Variants in PRKCG observed in about 807,000 individuals in gnomAD.
PRKCG encodes protein kinase C gamma type.
A neutral mutation model predicts 82.0 loss-of-function variants in PRKCG; 28 were observed. The observed-to-expected ratio is 0.34, with a 90% confidence interval of 0.25 to 0.47. The LOEUF is 0.47. Among genes scored for constraint, PRKCG ranks in the 20% least tolerant of loss-of-function variants. The pLI, the probability that PRKCG is intolerant of heterozygous loss-of-function variation, is 1.00. For missense variants in PRKCG, 640 were observed against 952.7 expected (o/e 0.67, Z 4.32); for synonymous variants, 383 against 376.6 (o/e 1.02, Z -0.20).
chr19:53,905,089 A>G (rs2068791904), intron 16 of PRKCG, among the ~76,000 whole-genome samples: 3 of 152,112 alleles, frequency 2.0e-5, no homozygotes, highest in Admixed American at 1.3e-4. Flanking sequence ...GAGTCACCAA[A>G]ACTTTGTGAG....
At chr19:53,882,187 C>T (rs1334456637), upstream of PRKCG, 1 of 402,948 alleles carries the variant, frequency 2.5e-6, no homozygotes, top group Non-Finnish European at 4.5e-6. This position sits in a 1 kb window ranked among gnomAD's most constrained non-coding sequence, Gnocchi z 6.1. Flanking sequence ...TCCCCCAACC[C>T]GGGGCTCCCA....
chr19:53,906,776 C>A lies in PRKCG; in HGVS notation c.1975C>A (p.Arg659Ser), dbSNP rs752933837. 28 of 1,613,526 alleles carry A rather than the reference C, an allele frequency of 1.7e-5. No homozygotes were observed. The highest frequency in any genetic ancestry group is 1.9e-5 in the Non-Finnish European group (23 of 1,180,030). ...RAAPALTPPD[R>S]LVLASIDQAD... ...GGCGCCAGCGCTGACCCCTCCAGACCGCCTAGTCCTGGCCAGCATCGACCA... is the reference window on the plus strand; with the variant it reads ...GGCGCCAGCGCTGACCCCTCCAGACAGCCTAGTCCTGGCCAGCATCGACCA... The change falls in exon 18 of 18, where the codon CGC becomes AGC. Residue 659 changes from arginine (R) to serine (S), a missense_variant. By Grantham distance (110) the Arg-to-Ser change is moderately radical (BLOSUM62 -1). Transcript: ENST00000263431.
rs1195014767 is a variant in PRKCG at position 53,889,281 on chromosome 19, C to T, written c.286-357C>T. Among the ~76,000 whole-genome samples the T allele has an allele frequency of 6.6e-6, 1 of 152,108 alleles. No homozygotes were observed. Among genetic ancestry groups the T allele is most frequent in the African/African-American group, 2.4e-5 (1 of 41,426 alleles). ...GACCACCGTATTTAAAATTTCAATC[C>T]CCCAACTTCTGGTGGTCCCCATCCC... On this transcript the variant is annotated intron_variant, in intron 3 of 17. Transcript: ENST00000263431. The surrounding 1 kb of genome is among the most constrained non-coding windows in gnomAD (Gnocchi z 4.4).
intron 15 of PRKCG, among the ~76,000 whole-genome samples, chr19:53,903,678 G>A (rs1323545425): frequency 6.6e-6 from 1 of 152,154 alleles, no homozygotes; most frequent in Non-Finnish European, 1.5e-5. Flanking sequence ...AAGAACTCAA[G>A]GTTACACTGA....
At chr19:53,903,269 C>A in intron 15 of PRKCG, 116 bp downstream of exon 15, 2 of 835,394 alleles carry the variant, frequency 2.4e-6, no homozygotes, top group South Asian at 2.7e-5. Context: ...TAGCGCTGTC[C>A]ATGGTTCTGA....
Position 53,883,300 on chromosome 19 carries a change from C to T in PRKCG, c.202+106C>T, listed in dbSNP as rs1426935675. On this transcript the variant is annotated intron_variant, in intron 2 of 17. Coordinates refer to ENST00000263431, the MANE Select transcript of PRKCG (RefSeq NM_002739.5). This position sits in a 1 kb window ranked among gnomAD's most constrained non-coding sequence, Gnocchi z 5.4. ...GTGTTCTCTGGTCCCCAGAGAGGCG[C>T]GGGGGAGCCCGGGGCGGGGGGTGTG... 1.5e-5 allele frequency: 20 copies of T among 1,336,930 alleles called. No homozygotes were observed. In the East Asian group the frequency reaches 3.3e-4, roughly 22 times the overall value. 82.8% of individuals were successfully genotyped at this position (1,336,930 alleles called of 1,614,324 possible).
In PRKCG at chr19:53,892,594, G is replaced by A. The variant is rs746283322; in HGVS notation, c.772G>A (p.Ala258Thr). The change falls in exon 7 of 18, where the codon GCC becomes ACC. Residue 258 changes from alanine (A) to threonine (T), a missense_variant. By Grantham distance (58) the Ala-to-Thr change is moderately conservative. Around this residue, in one of 7 missense-constraint regions of PRKCG, gnomAD observed 261 missense variants for 312.1 expected, o/e 0.84. Coordinates refer to ENST00000263431, the MANE Select transcript of PRKCG (RefSeq NM_002739.5). This position sits in a 1 kb window ranked among gnomAD's most constrained non-coding sequence, Gnocchi z 5.9. The stretch of plus-strand genomic sequence containing the variant: ...GACCTCCCGCAACGACTTCATGGGG[G>A]CCATGTCCTTTGGCGTCTCGGAGCT... Reference protein sequence around the residue: ...DRTSRNDFMGAMSFGVSELLK... With the variant: ...DRTSRNDFMGTMSFGVSELLK... 1.2e-6 allele frequency: 2 copies of A among 1,613,518 alleles called. No individual in the cohort carries two copies. The highest frequency in any genetic ancestry group is 1.7e-5 in the Admixed American group (1 of 60,008).
chr19:53,886,657 C>T (rs1266040218), intron 3 of PRKCG, among the ~76,000 whole-genome samples: 4 of 151,992 alleles, frequency 2.6e-5, no homozygotes, highest in Non-Finnish European at 5.9e-5. Context: ...CTCGATTCTC[C>T]TGCCTCAGCC....
In PRKCG at chr19:53,892,739, C is replaced by T; in HGVS notation, c.821+96C>T. ...CTCCAGGCCACTGTCCTTCCCTCTGCCTCCCAGCATGCGCACACACACACA... is the reference window on the plus strand; with the variant it reads ...CTCCAGGCCACTGTCCTTCCCTCTGTCTCCCAGCATGCGCACACACACACA... On this transcript the variant is annotated intron_variant, in intron 7 of 17. Transcript: ENST00000263431. This position sits in a 1 kb window ranked among gnomAD's most constrained non-coding sequence, Gnocchi z 5.9. 1.4e-6 allele frequency: 2 copies of T among 1,447,954 alleles called. No individual in the cohort carries two copies. The highest frequency in any genetic ancestry group is 1.9e-6 in the Non-Finnish European group (2 of 1,073,466). The allele number at this position is 1,447,954 out of a possible 1,614,324, so 89.7% of individuals were successfully genotyped here. A position where few individuals can be genotyped will look rare whatever the true frequency, so the allele number is the denominator to read the frequency against.
At chr19:53,886,499 G>C (rs1163421901) in intron 3 of PRKCG, among the ~76,000 whole-genome samples, 1 of 151,950 alleles carries the variant, frequency 6.6e-6, no homozygotes, top group Admixed American at 6.6e-5. Flanking sequence ...AATTCTCCAG[G>C]CTCAAGTGCT....
intron 16 of PRKCG, 84 bp downstream of exon 16, chr19:53,904,826 C>T: frequency 8.9e-7 from 1 of 1,128,654 alleles, no homozygotes; most frequent in Non-Finnish European, 1.3e-6. Flanking sequence ...AAAAATGCTC[C>T]CATTCCTGAA....
chr19:53,905,797 T>C lies in PRKCG; in HGVS notation c.1765-520T>C, dbSNP rs938987007. Among the ~76,000 whole-genome samples, 148 of 117,638 alleles carry C rather than the reference T, an allele frequency of 1.3e-3. 3 individuals carry two copies. The highest frequency in any genetic ancestry group is 6.6e-4 in the Admixed American group (7 of 10,602). 77.2% of individuals were successfully genotyped at this position (117,638 alleles called of 152,430 possible). A position where few individuals can be genotyped will look rare whatever the true frequency, so the allele number is the denominator to read the frequency against. ...CCCCTTCCCTCTCTCCCCCTACCCC[T>C]TTTCCCTCTCCTCTTCTCCATCTCC... On this transcript the variant is annotated intron_variant, in intron 16 of 17. Transcript: ENST00000263431.
chr19:53,882,521 C>T lies in PRKCG; in HGVS notation c.27C>T (p.Gly9=). The T allele has an allele frequency of 6.2e-7, 1 of 1,614,058 alleles. No homozygotes were observed. The highest frequency in any genetic ancestry group is 8.5e-7 in the Non-Finnish European group (1 of 1,179,962). Residue 9 remains glycine (G), a synonymous_variant, in exon 1 of 18, where the codon GGC becomes GGT. Coordinates refer to ENST00000263431, the MANE Select transcript of PRKCG (RefSeq NM_002739.5). This position sits in a 1 kb window ranked among gnomAD's most constrained non-coding sequence, Gnocchi z 6.1. ...TGGCTGGTCTGGGCCCCGGCGTAGGCGATTCAGAGGGGGGACCCCGGCCCC... is the reference window on the plus strand; with the variant it reads ...TGGCTGGTCTGGGCCCCGGCGTAGGTGATTCAGAGGGGGGACCCCGGCCCC... The part of the protein sequence containing the change: MAGLGPGV[G]DSEGGPRPLF...
Position 53,892,416 on chromosome 19 carries a change from G to T in PRKCG, c.687-93G>T. On this transcript the variant is annotated intron_variant, in intron 6 of 17. Transcript: ENST00000263431. This position sits in a 1 kb window ranked among gnomAD's most constrained non-coding sequence, Gnocchi z 5.9. ...CAAAGCAGGAGAGGAGCCCCAGCTGGCTGGGTTTGCCCCCACCTCCAGCAC... is the reference window on the plus strand; with the variant it reads ...CAAAGCAGGAGAGGAGCCCCAGCTGTCTGGGTTTGCCCCCACCTCCAGCAC... 6.5e-7 allele frequency: 1 copy of T among 1,537,088 alleles called. No individual in the cohort carries two copies. The highest frequency in any genetic ancestry group is 8.7e-7 in the Non-Finnish European group (1 of 1,143,888).
Position 53,900,218 on chromosome 19 carries a change from T to A in PRKCG, c.1282-15T>A. 2 of 1,611,110 alleles carry A rather than the reference T, an allele frequency of 1.2e-6. No individual in the cohort carries two copies. The highest frequency in any genetic ancestry group is 1.7e-6 in the Non-Finnish European group (2 of 1,177,260). The stretch of plus-strand genomic sequence containing the variant: ...TAGATGGATCCCGCCTCTAAGCCCA[T>A]GCACTTCTCCGCAGGACCGCCTGTA... On this transcript the variant is annotated splice_polypyrimidine_tract_variant and intron_variant, in intron 11 of 17. Coordinates refer to ENST00000263431, the MANE Select transcript of PRKCG (RefSeq NM_002739.5). This position sits in a 1 kb window ranked among gnomAD's most constrained non-coding sequence, Gnocchi z 4.2.
intron 16 of PRKCG, among the ~76,000 whole-genome samples, chr19:53,905,555 C>A (rs1449845062): frequency 6.6e-6 from 1 of 151,746 alleles, no homozygotes; most frequent in Admixed American, 6.6e-5. Flanking sequence ...TGTCTCCTCC[C>A]TTCTCTGAGT....
rs1259280905 is a variant in PRKCG, at chr19:53,903,056, C to G, written c.1576-17C>G. 3 of 1,605,270 alleles carry G rather than the reference C, an allele frequency of 1.9e-6. No individual in the cohort carries two copies. Among genetic ancestry groups the G allele is most frequent in the Non-Finnish European group, 2.6e-6 (3 of 1,172,140 alleles). On this transcript the variant is annotated splice_polypyrimidine_tract_variant and intron_variant, in intron 14 of 17. Transcript: ENST00000263431. Reference sequence around the variant, plus strand: ...CTAAAGAACGCATCATGATTCCCTGCCTTCCACCTCCCCTAGATCATTGCC... The same window carrying G: ...CTAAAGAACGCATCATGATTCCCTGGCTTCCACCTCCCCTAGATCATTGCC...
rs1352298707 is a variant in PRKCG, at chr19:53,884,274, C to T, written c.285+31C>T. 6 of 1,603,144 alleles carry T rather than the reference C, an allele frequency of 3.7e-6. No homozygotes were observed. Among genetic ancestry groups the T allele is most frequent in the Non-Finnish European group, 4.3e-6 (5 of 1,170,972 alleles). The stretch of plus-strand genomic sequence containing the variant: ...TGCTCGGACACCTGGTTCTCCTCCT[C>T]GGGCCGTGCCCCCGCCCTCACCCCC... On this transcript the variant is annotated intron_variant, in intron 3 of 17. Transcript: ENST00000263431. This position sits in a 1 kb window ranked among gnomAD's most constrained non-coding sequence, Gnocchi z 4.6.
At position 53,906,733 on chromosome 19, in the gene PRKCG, C is replaced by G; in HGVS notation, c.1932C>G (p.Asp644Glu). 6.2e-7 allele frequency: 1 copy of G among 1,613,224 alleles called. No individual in the cohort carries two copies. The highest frequency in any genetic ancestry group is 1.1e-5 in the South Asian group (1 of 91,062). Residue 644 changes from aspartate (D) to glutamate (E), a missense_variant, in exon 18 of 18, where the codon GAC (aspartate) becomes GAG (glutamate). Transcript: ENST00000263431. ...GTGGCCGCAGCGGCGAGAACTTTGA[C>G]AAGTTCTTCACGCGGGCGGCGCCAG... ...RPCGRSGENF[D>E]KFFTRAAPAL...
Sources: allele counts gnomAD v4.1 joint callset (sites outside exome capture counted in the v4.1 genomes callset), GRCh38; gene constraint gnomAD v4.1.1; regional missense constraint gnomAD v4.1.1; non-coding constraint Gnocchi (gnomAD v3.1); transcripts MANE v1.5; gene names NCBI Gene and HGNC (gene_info 2026-07-23, HGNC 2026-07-21).